The following GRIK5 variants were observed in gnomAD, a reference collection of about 807,000 sequenced individuals.
The protein encoded by GRIK5 is glutamate receptor ionotropic, kainate 5.
In GRIK5, 43 loss-of-function variants were observed where a neutral mutation model predicts 97.4. The observed-to-expected ratio is 0.44, with a 90% CI of 0.35 to 0.57. The LOEUF is 0.57. Among genes scored for constraint, GRIK5 ranks in the 20% least tolerant of loss-of-function variants. The pLI, the probability that GRIK5 is intolerant of heterozygous loss-of-function variation, is 0.01. For missense variants in GRIK5, 1,015 were observed against 1,382.0 expected, an observed-to-expected ratio of 0.73 and a Z score of 4.21; for synonymous variants, 580 against 583.5, an observed-to-expected ratio of 0.99 and a Z score of 0.09.
chr19:42,041,825 G>C (rs2075981077), intron 12 of GRIK5, among the ~76,000 whole-genome samples: 1 of 152,196 alleles, frequency 6.6e-6, no homozygotes, highest in Admixed American at 6.5e-5. Flanking sequence ...TTGGGAATCA[G>C]TTTGGGTATC....
At chr19:42,041,786 C>G (rs1020314593) in intron 12 of GRIK5, among the ~76,000 whole-genome samples, 2 of 152,160 alleles carry the variant, frequency 1.3e-5, no homozygotes, top group South Asian at 4.1e-4. Context: ...TCCCACACCC[C>G]CTTCACCTTG....
chr19:42,045,177 G>A (rs534140665), intron 11 of GRIK5, among the ~76,000 whole-genome samples: 4 of 152,284 alleles, frequency 2.6e-5, no homozygotes, highest in East Asian at 1.9e-4. Flanking sequence ...ATATTGTGCT[G>A]CTTCTTCTAG....
chr19:42,036,895 T>C (rs1309638221), intron 12 of GRIK5, among the ~76,000 whole-genome samples: 1 of 152,206 alleles, frequency 6.6e-6, no homozygotes, highest in Non-Finnish European at 1.5e-5. Flanking sequence ...GCTGATCTCA[T>C]CTGTCCCCTG....
chr19:42,040,496 T>C (rs919361405), intron 12 of GRIK5, among the ~76,000 whole-genome samples: 9 of 152,222 alleles, frequency 5.9e-5, no homozygotes, highest in African/African-American at 1.2e-4. Flanking sequence ...CAGGTGGGCA[T>C]AGAGCTGTCA....
intron 12 of GRIK5, among the ~76,000 whole-genome samples, chr19:42,024,301 C>T (rs914296523): frequency 6.6e-6 from 1 of 151,852 alleles, no homozygotes; most frequent in Non-Finnish European, 1.5e-5. Flanking sequence ...CAACTTCTGC[C>T]TCCTGGGTTC....
rs551173443 is a variant in GRIK5 at position 42,058,043 on chromosome 19, G to A, written c.688-1065C>T. On this transcript the variant is annotated intron_variant, in intron 6 of 19. Transcript: ENST00000593562. ...AACTGTTCACACGGCTGGCACGGGAGGGGCCGGGATCCCAGCCCAGGCCTG... is the reference window on the plus strand; with the variant it reads ...AACTGTTCACACGGCTGGCACGGGAAGGGCCGGGATCCCAGCCCAGGCCTG... Among the ~76,000 whole-genome samples the A allele has an allele frequency of 2.6e-5, 4 of 152,308 alleles. No individual in the cohort carries two copies. In the South Asian group the frequency reaches 8.3e-4, roughly 32 times the overall value.
chr19:42,008,310 C>T (rs1477382652), intron 15 of GRIK5, among the ~76,000 whole-genome samples: 3 of 152,008 alleles, frequency 2.0e-5, no homozygotes, highest in African/African-American at 7.2e-5. Flanking sequence ...AGCCACTGTG[C>T]CCGGCCTATT....
intron 12 of GRIK5, among the ~76,000 whole-genome samples, chr19:42,024,399 G>C (rs2075743283): frequency 6.6e-6 from 1 of 152,018 alleles, no homozygotes; most frequent in Non-Finnish European, 1.5e-5. Flanking sequence ...TTTTTGTAGA[G>C]ACGGGGTTTC....
rs1441799118 is a variant in GRIK5 at position 42,065,814 on chromosome 19, T to A, written c.-44A>T. 3 of 1,473,008 alleles carry A rather than the reference T, an allele frequency of 2.0e-6. No individual in the cohort carries two copies. The highest frequency in any genetic ancestry group is 2.8e-6 in the Non-Finnish European group (3 of 1,084,012). 91.2% of individuals were successfully genotyped at this position (1,473,008 alleles called of 1,614,324 possible). ...GGGACGCAGCTGCCGCGGCCCCCAC[T>A]CGCCACCTGCAGGGAGACCCCCCAG... is the stretch of plus-strand genomic sequence containing the variant. On this transcript the variant is annotated 5_prime_UTR_variant, in exon 2 of 20. Transcript: ENST00000593562. This position sits in a 1 kb window ranked among gnomAD's most constrained non-coding sequence, Gnocchi z 5.8.
At chr19:42,005,079 GA>G (rs782417107) in intron 17 of GRIK5, among the ~76,000 whole-genome samples, 12 of 152,032 alleles carry the variant, frequency 7.9e-5, no homozygotes, top group Non-Finnish European at 1.5e-4. Flanking sequence ...GTACATAAAT[GA>G]TTTTAAAAGC....
chr19:42,069,654 G>C lies in GRIK5; in HGVS notation c.-464C>G, dbSNP rs1196369049. On this transcript the variant is annotated 5_prime_UTR_variant, in exon 1 of 20. Coordinates refer to ENST00000593562, the MANE Select transcript of GRIK5 (RefSeq NM_002088.5). ...CCCCTCCCCTAGCCGGGCCGGCCTG[G>C]GGGGGCCACAGGGGGCGAGGACTGG... 6.6e-6 allele frequency among the ~76,000 whole-genome samples: 1 copy of C among 151,298 alleles called. No individual in the cohort carries two copies. The highest frequency in any genetic ancestry group is 2.4e-5 in the African/African-American group (1 of 41,320).
At chr19:42,066,907 A>G (rs2076341329) in intron 1 of GRIK5, among the ~76,000 whole-genome samples, 1 of 152,078 alleles carries the variant, frequency 6.6e-6, no homozygotes, top group African/African-American at 2.4e-5. Context: ...TGCCTGCCAG[A>G]AGTGGGTGCC....
At chr19:42,052,732 C>T (rs753311517) in intron 11 of GRIK5, among the ~76,000 whole-genome samples, 7 of 152,192 alleles carry the variant, frequency 4.6e-5, no homozygotes, top group Non-Finnish European at 1.0e-4. Flanking sequence ...CCAGGCCAGC[C>T]GCTTGGGGAA....
At chr19:42,052,535 C>T (rs1486158981) in intron 11 of GRIK5, among the ~76,000 whole-genome samples, 9 of 152,226 alleles carry the variant, frequency 5.9e-5, no homozygotes, top group African/African-American at 1.9e-4. Context: ...TGCTCTGCGA[C>T]TCACTGCTTT....
chr19:42,051,189 C>T (rs529226082), intron 11 of GRIK5, among the ~76,000 whole-genome samples: 46 of 152,236 alleles, frequency 3.0e-4, no homozygotes, highest in African/African-American at 9.4e-4. Context: ...AAGACTGGGG[C>T]GAGACCAGCG....
rs1186263056 is a variant in GRIK5 at position 42,062,451 on chromosome 19, G to C, written c.508+37C>G. ...CCAGATCTCTTGGGAAGGGGTGTCT[G>C]GGGGAACAGAAAACAAAACATTCAG... On this transcript the variant is annotated intron_variant, in intron 5 of 19. Coordinates refer to ENST00000593562, the MANE Select transcript of GRIK5 (RefSeq NM_002088.5). This position sits in a 1 kb window ranked among gnomAD's most constrained non-coding sequence, Gnocchi z 5.3. The C allele has an allele frequency of 1.3e-5, 21 of 1,607,632 alleles. No individual in the cohort carries two copies. The highest frequency in any genetic ancestry group is 1.8e-5 in the Non-Finnish European group (21 of 1,175,956).
intron 15 of GRIK5, among the ~76,000 whole-genome samples, chr19:42,010,432 G>A (rs1479637726): frequency 6.6e-6 from 1 of 152,200 alleles, no homozygotes. Flanking sequence ...CTAGAAGGGG[G>A]GAAACATATT....
rs925884834 is a variant in GRIK5, at chr19:42,040,871, A to AAAAT, written c.1473+1677_1473+1680dup. 3.0e-4 allele frequency among the ~76,000 whole-genome samples: 46 copies of AAAAT among 151,842 alleles called. 1 individual carries two copies. Among genetic ancestry groups the AAAAT allele is most frequent in the African/African-American group, 9.2e-4 (38 of 41,442 alleles). ...GGGCAACAGAGGAGACTCTGTCTCC[A>AAAAT]AAATAAATAAATAAATAAATAAAAT... On this transcript the variant is annotated intron_variant, in intron 12 of 19. Coordinates refer to ENST00000593562, the MANE Select transcript of GRIK5 (RefSeq NM_002088.5).
intron 19 of GRIK5, among the ~76,000 whole-genome samples, chr19:42,001,106 C>T (rs1336385762): frequency 4.6e-5 from 7 of 152,126 alleles, no homozygotes; most frequent in South Asian, 2.1e-4. Context: ...TAAATCAACC[C>T]GGGGCCAGGT....
Sources: allele counts gnomAD v4.1 joint callset (sites outside exome capture counted in the v4.1 genomes callset), GRCh38; gene constraint gnomAD v4.1.1; non-coding constraint Gnocchi (gnomAD v3.1); transcripts MANE v1.5; gene names NCBI Gene and HGNC (gene_info 2026-07-23, HGNC 2026-07-21).